Variants in COP1 observed in about 807,000 individuals in gnomAD.
COP1 encodes E3 ubiquitin-protein ligase COP1.
Under a neutral mutation model 101.3 loss-of-function variants are expected in COP1, and 24 were observed. The ratio of observed to expected loss-of-function variants is 0.24; its 90% CI spans 0.17 to 0.33. The LOEUF is 0.33. Ranked by LOEUF, COP1 falls within the 10% of genes least tolerant of loss-of-function variation. COP1 has a pLI of 1.00. For synonymous variants in COP1, 347 were observed against 341.9 expected (o/e 1.01, Z -0.17); for missense variants, 663 against 906.2 (o/e 0.73, Z 3.45).
At chr1:176,087,286 C>T (rs1368538867) in intron 9 of COP1, among the ~76,000 whole-genome samples, 1 of 152,122 alleles carries the variant, frequency 6.6e-6, no homozygotes, top group Non-Finnish European at 1.5e-5. Flanking sequence ...AGAGCTTCTG[C>T]AAAGCAAAAG....
chr1:176,160,320 G>GT (rs1178087853), intron 5 of COP1: 1 of 327,878 alleles, frequency 3.0e-6, no homozygotes, highest in Admixed American at 4.2e-5. Flanking sequence ...GAATGTGTAG[G>GT]TTTGTTACCT....
chr1:175,985,365 G>A (rs1045077794), intron 18 of COP1, among the ~76,000 whole-genome samples: 1 of 152,154 alleles, frequency 6.6e-6, no homozygotes, highest in African/African-American at 2.4e-5. Flanking sequence ...AAAGCACTTA[G>A]ATGATCTTAT....
At chr1:176,079,766 A>T (rs910728847) in intron 11 of COP1, among the ~76,000 whole-genome samples, 3 of 152,342 alleles carry the variant, frequency 2.0e-5, no homozygotes, top group Middle Eastern at 3.4e-3. Context: ...CTCGTACAGC[A>T]AAATCTTAAC....
intron 10 of COP1, 87 bp downstream of exon 10, chr1:176,085,689 T>C: frequency 2.9e-6 from 2 of 684,496 alleles, no homozygotes; most frequent in Non-Finnish European, 4.9e-6. Context: ...GCTTTGCAAT[T>C]AGGACTTTCC....
At chr1:176,084,062 C>T (rs934068826) in intron 10 of COP1, among the ~76,000 whole-genome samples, 1 of 152,146 alleles carries the variant, frequency 6.6e-6, no homozygotes, top group Non-Finnish European at 1.5e-5. Flanking sequence ...TTAAAGATTA[C>T]TAATAATAGC....
chr1:176,092,621 G>A (rs1017721122), intron 9 of COP1, among the ~76,000 whole-genome samples: 8 of 152,096 alleles, frequency 5.3e-5, no homozygotes, highest in Non-Finnish European at 1.0e-4. Flanking sequence ...TTTTATAGTG[G>A]CAGGAAAATA....
intron 1 of COP1, among the ~76,000 whole-genome samples, chr1:176,186,511 G>A (rs1698458532): frequency 6.6e-6 from 1 of 152,028 alleles, no homozygotes; most frequent in Non-Finnish European, 1.5e-5. Flanking sequence ...CTGCACTCCA[G>A]CCCAGGTGAC....
At chr1:175,977,511 A>G (rs75356767) in intron 18 of COP1, among the ~76,000 whole-genome samples, 6,713 of 152,182 alleles carry the variant, frequency 0.044, 185 homozygotes, top group Non-Finnish European at 0.068. Context: ...GTCAACCCTG[A>G]TAGCTTTATT....
At chr1:176,053,351 C>T (rs1009022207) in intron 11 of COP1, among the ~76,000 whole-genome samples, 2 of 152,164 alleles carry the variant, frequency 1.3e-5, no homozygotes, top group Non-Finnish European at 2.9e-5. Flanking sequence ...CCTCCCAGCT[C>T]AAAATCTCCT....
rs1451901682 is a variant in COP1, at chr1:176,151,337, AGGAAG to A, written c.763-2268_763-2264del. Among the ~76,000 whole-genome samples the A allele has an allele frequency of 4.3e-4, 60 of 138,776 alleles. 1 individual carries two copies. Among genetic ancestry groups the A allele is most frequent in the South Asian group, 1.7e-3 (7 of 4,152 alleles). The allele number at this position is 138,776 out of a possible 152,430, so 91.0% of individuals were successfully genotyped here. On this transcript the variant is annotated intron_variant, in intron 5 of 19. Transcript: ENST00000367669. ...AAAGAAAGAAGGAAAGAAAGAAAGA[AGGAAG>A]GAAAGAAAGAAAAAGAAAGAAAGAA...
chr1:176,135,641 C>T (rs1425729675), intron 7 of COP1, among the ~76,000 whole-genome samples: 3 of 151,904 alleles, frequency 2.0e-5, no homozygotes, highest in African/African-American at 7.2e-5. Flanking sequence ...ATCAGTAATC[C>T]AGAGGAATAG....
rs909904029 is a variant in COP1 at position 176,206,944 on chromosome 1, G to C, written c.35C>G (p.Ala12Gly). The C allele has an allele frequency of 1.4e-6, 2 of 1,452,030 alleles. No homozygotes were observed. The highest frequency in any genetic ancestry group is 1.5e-5 in the African/African-American group (1 of 67,976). The allele number at this position is 1,452,030 out of a possible 1,614,324, so 89.9% of individuals were successfully genotyped here. A position where few individuals can be genotyped will look rare whatever the true frequency, so the allele number is the denominator to read the frequency against. The change falls in exon 1 of 20, where the codon GCT (alanine) becomes GGT (glycine). Residue 12 changes from alanine (A) to glycine (G), a missense_variant. This residue lies in a region of COP1 where 204 missense variants were observed against 203.6 expected (regional missense o/e 1.00). Coordinates refer to ENST00000367669, the MANE Select transcript of COP1 (RefSeq NM_022457.7). ...CGCCGAGGACCCGGGGCTTGTCCCA[G>C]CGGAGCCCGACCCGGCCTGGCGGCT... ...SGSRQAGSGS[A>G]GTSPGSSAAS... is the part of the protein sequence containing the mutation.
intron 18 of COP1, among the ~76,000 whole-genome samples, chr1:175,975,156 A>T (rs1290186460): frequency 6.6e-6 from 1 of 152,144 alleles, no homozygotes; most frequent in Non-Finnish European, 1.5e-5. Context: ...AAATCTCTGT[A>T]TCTAAAATAC....
intron 3 of COP1, among the ~76,000 whole-genome samples, chr1:176,168,907 A>G (rs1266765093): frequency 6.6e-6 from 1 of 152,220 alleles, no homozygotes; most frequent in East Asian, 1.9e-4. Context: ...ATGAAAATGT[A>G]TATGACTCTA....
chr1:176,015,781 AATTTAGT>A (rs1665521981), intron 15 of COP1, among the ~76,000 whole-genome samples: 1 of 152,172 alleles, frequency 6.6e-6, no homozygotes, highest in Non-Finnish European at 1.5e-5. Context: ...TAGATCAATT[AATTTAGT>A]AATATGGAGG....
At chr1:176,164,665 G>C (rs938423237) in intron 3 of COP1, among the ~76,000 whole-genome samples, 1 of 152,108 alleles carries the variant, frequency 6.6e-6, no homozygotes, top group African/African-American at 2.4e-5. Context: ...GTATATGCTG[G>C]CAATGGAAGA....
At chr1:175,960,984 A>T (rs1191856976) in intron 18 of COP1, among the ~76,000 whole-genome samples, 4 of 152,178 alleles carry the variant, frequency 2.6e-5, no homozygotes, top group South Asian at 2.1e-4. Context: ...GCCTGGATAG[A>T]CAAAAAGGGA....
intron 6 of COP1, among the ~76,000 whole-genome samples, chr1:176,141,395 G>C (rs1228693583): frequency 1.3e-5 from 2 of 152,116 alleles, no homozygotes; most frequent in African/African-American, 2.4e-5. Context: ...CAGCTACTTG[G>C]GAGGGTGAGG....
chr1:176,021,563 A>G (rs1344989688), intron 15 of COP1, among the ~76,000 whole-genome samples: 1 of 152,190 alleles, frequency 6.6e-6, no homozygotes, highest in African/African-American at 2.4e-5. Flanking sequence ...TTAATCATTA[A>G]AAATACATTA....
Sources: gnomAD v4.1 joint callset for allele counts (sites outside exome capture counted in the v4.1 genomes callset) on GRCh38, gnomAD v4.1.1 for gene constraint, gnomAD v4.1.1 regional missense constraint, MANE v1.5 for transcripts, NCBI Gene and HGNC (gene_info 2026-07-23, HGNC 2026-07-21) for gene names.